The following MCF2L variants were observed in gnomAD, a reference collection of about 807,000 sequenced individuals.
The protein encoded by MCF2L is MCF.2 cell line derived transforming sequence like.
A neutral mutation model predicts 153.4 loss-of-function variants in MCF2L; 97 were observed. The observed-to-expected ratio is 0.63, with a 90% CI of 0.54 to 0.75. MCF2L has a LOEUF of 0.75. MCF2L is among the 30% of genes least tolerant of loss of function. The probability of loss-of-function intolerance (pLI) is 0.00; values close to 1 mark genes in which losing one functional copy is unlikely to be tolerated. For synonymous variants in MCF2L, 659 were observed against 632.2 expected, an observed-to-expected ratio of 1.04 and a Z score of -0.64; for missense variants, 1,347 against 1,495.2, an observed-to-expected ratio of 0.90 and a Z score of 1.64.
rs912839303 is a variant in MCF2L at position 113,066,096 on chromosome 13, C to T, written c.807C>T (p.Leu269=). The change falls in exon 8 of 30, where the codon CTC becomes CTT. Residue 269 remains leucine (L), a synonymous_variant. Coordinates refer to ENST00000535094, the MANE Select transcript of MCF2L (RefSeq NM_001112732.3). ...AGGGGCACAGTGTCCTGGAGAGCCT[C>T]AGGGAGCTGCAGGCTGAGGGCTCAG... ...LKEGHSVLES[L]RELQAEGSEP... 9.9e-6 allele frequency: 16 copies of T among 1,613,186 alleles called. 1 individual carries two copies. The Admixed American group carries it at 2.0e-4, about 20-fold the overall frequency.
chr13:112,930,704 AG>A (rs1478399983), intron 2 of MCF2L, among the ~76,000 whole-genome samples: 2 of 152,226 alleles, frequency 1.3e-5, no homozygotes, highest in African/African-American at 4.8e-5. Context: ...TGGGAGGCTG[AG>A]GAGGGCAGAT....
chr13:112,946,570 A>G (rs904942050), intron 2 of MCF2L, among the ~76,000 whole-genome samples: 10 of 152,176 alleles, frequency 6.6e-5, no homozygotes, highest in Non-Finnish European at 1.2e-4. Flanking sequence ...TTTTGCTGTG[A>G]TGAAAATGGG....
At chr13:113,079,373 C>T (rs2033857065) in intron 15 of MCF2L, among the ~76,000 whole-genome samples, 1 of 151,782 alleles carries the variant, frequency 6.6e-6, no homozygotes, top group South Asian at 2.1e-4. Flanking sequence ...CTCCCAGAGG[C>T]CCTCGAGGAA....
intron 1 of MCF2L, among the ~76,000 whole-genome samples, chr13:112,997,797 G>A (rs953988419): frequency 1.3e-5 from 2 of 152,260 alleles, no homozygotes; most frequent in African/African-American, 2.4e-5. Context: ...CAGGCCCCCC[G>A]GGTGTCCCCA....
chr13:113,025,145 C>T (rs61044509), intron 3 of MCF2L, among the ~76,000 whole-genome samples: 1,044 of 64,350 alleles, frequency 0.016, 10 homozygotes, highest in East Asian at 0.039. Flanking sequence ...GAGATTTCCC[C>T]ATCATGCGGT....
At chr13:112,909,145 C>T (rs772227812) in intron 2 of MCF2L, 10 of 753,852 alleles carry the variant, frequency 1.3e-5, no homozygotes, top group South Asian at 4.2e-5. Flanking sequence ...TTGCCTCATC[C>T]GCTTCTGGGT....
chr13:113,080,538 G>C (rs2034026083), intron 15 of MCF2L, among the ~76,000 whole-genome samples: 1 of 152,218 alleles, frequency 6.6e-6, no homozygotes, highest in Non-Finnish European at 1.5e-5. Flanking sequence ...TCCAGTTTCT[G>C]TGCATCACAT....
intron 1 of MCF2L, among the ~76,000 whole-genome samples, chr13:112,992,372 C>T (rs2082927565): frequency 6.6e-6 from 1 of 152,178 alleles, no homozygotes; most frequent in South Asian, 2.1e-4. Context: ...TCTGCCTAAA[C>T]CTCGACCGTG....
chr13:113,081,009 G>C (rs1008441609), intron 15 of MCF2L, among the ~76,000 whole-genome samples: 1 of 152,244 alleles, frequency 6.6e-6, no homozygotes, highest in Non-Finnish European at 1.5e-5. Context: ...AACCAGGGAG[G>C]CTTCAGCCGC....
At chr13:112,996,734 C>T (rs1225534154) in intron 1 of MCF2L, among the ~76,000 whole-genome samples, 1 of 152,234 alleles carries the variant, frequency 6.6e-6, no homozygotes, top group Admixed American at 6.5e-5. Flanking sequence ...CATCCAGGCT[C>T]CTGGTGAGCC....
rs2081547315 is a variant in MCF2L at position 112,938,771 on chromosome 13, A to T, written c.169+36400A>T. Among the ~76,000 whole-genome samples the T allele has an allele frequency of 2.0e-5, 3 of 152,192 alleles. No individual in the cohort carries two copies. In the South Asian group the frequency reaches 6.2e-4, roughly 32 times the overall value. On this transcript the variant is annotated intron_variant, in intron 2 of 29. Coordinates refer to the MCF2L transcript ENST00000375608. Reference sequence around the variant, plus strand: ...CTACCAGGGCAAGGTTCTGGGGAGCACACATTCACTAACCCAGCTCCCACA... The same window carrying T: ...CTACCAGGGCAAGGTTCTGGGGAGCTCACATTCACTAACCCAGCTCCCACA...
upstream of MCF2L, chr13:112,965,592 G>A (rs144682607): frequency 7.9e-5 from 12 of 152,344 alleles, no homozygotes; most frequent in African/African-American, 2.9e-4. Context: ...AAGACATGGA[G>A]TGAGGCTGTG....
chr13:113,074,935 C>T lies in MCF2L; in HGVS notation c.1117-63C>T. The T allele has an allele frequency of 6.9e-7, 1 of 1,439,056 alleles. No individual in the cohort carries two copies. The highest frequency in any genetic ancestry group is 9.5e-7 in the Non-Finnish European group (1 of 1,053,220). The allele number at this position is 1,439,056 out of a possible 1,614,324, so 89.1% of individuals were successfully genotyped here. A position where few individuals can be genotyped will look rare whatever the true frequency, so the allele number is the denominator to read the frequency against. Reference sequence around the variant, plus strand: ...GCCCCGGGACACACATCCCGTACAGCAAGGCACTGTGTGCCTCGAACAGAA... The same window carrying T: ...GCCCCGGGACACACATCCCGTACAGTAAGGCACTGTGTGCCTCGAACAGAA... On this transcript the variant is annotated intron_variant, in intron 10 of 29. Transcript: ENST00000535094. The surrounding 1 kb of genome is among the most constrained non-coding windows in gnomAD (Gnocchi z 4.2).
intron 15 of MCF2L, 95 bp from the exon 16 acceptor site, chr13:113,081,118 C>T (rs1190843377): frequency 2.9e-6 from 3 of 1,050,074 alleles, no homozygotes; most frequent in African/African-American, 3.2e-5. Flanking sequence ...GCTGGGCAGG[C>T]CATCATTCTA....
intron 8 of MCF2L, among the ~76,000 whole-genome samples, chr13:113,067,046 C>G (rs2141854760): frequency 6.6e-6 from 1 of 152,370 alleles, no homozygotes. Context: ...GAGGCTGCAG[C>G]ACAGCCCATG....
Position 113,045,570 on chromosome 13 carries a change from A to C in MCF2L, c.369+209A>C, listed in dbSNP as rs980416407. On this transcript the variant is annotated intron_variant, in intron 4 of 29. Coordinates refer to ENST00000535094, the MANE Select transcript of MCF2L (RefSeq NM_001112732.3). The surrounding 1 kb of genome is among the most constrained non-coding windows in gnomAD (Gnocchi z 4.2). ...GGGTGTGAGTTTTCCCAGATGAAGG[A>C]ACTCTTAGGGAGCCCAATGTGACTT... 1.7e-6 allele frequency: 1 copy of C among 590,780 alleles called. No individual in the cohort carries two copies. The highest frequency in any genetic ancestry group is 3.0e-6 in the Non-Finnish European group (1 of 329,640). The allele number at this position is 590,780 out of a possible 1,614,324, so 36.6% of individuals were successfully genotyped here. A position where few individuals can be genotyped will look rare whatever the true frequency, so the allele number is the denominator to read the frequency against.
intron 1 of MCF2L, among the ~76,000 whole-genome samples, chr13:112,900,215 T>C (rs911912638): frequency 1.1e-4 from 17 of 152,226 alleles, no homozygotes; most frequent in African/African-American, 2.4e-5. Context: ...TTTTTAATCA[T>C]TGAAATTAGA....
chr13:112,909,169 G>A (rs2081203865), intron 2 of MCF2L: 1 of 775,316 alleles, frequency 1.3e-6, no homozygotes, highest in African/African-American at 1.7e-5. Flanking sequence ...GTCCAGGACT[G>A]GCAAAAACAC....
At chr13:112,967,164 G>T (rs1274525043), upstream of MCF2L, among the ~76,000 whole-genome samples, 3 of 151,840 alleles carry the variant, frequency 2.0e-5, no homozygotes, top group Non-Finnish European at 4.4e-5. Flanking sequence ...CCTGAAGCTG[G>T]AGGGGCAGGG....
Sources: allele counts gnomAD v4.1 joint callset (sites outside exome capture counted in the v4.1 genomes callset), GRCh38; gene constraint gnomAD v4.1.1; non-coding constraint Gnocchi (gnomAD v3.1); transcripts MANE v1.5; gene names NCBI Gene and HGNC (gene_info 2026-07-23, HGNC 2026-07-21).